Variants in HIVEP3 observed in about 807,000 individuals in gnomAD.
HIVEP3 encodes HIVEP zinc finger 3, also known as transcription factor HIVEP3.
In HIVEP3, 49 loss-of-function variants were observed where a neutral mutation model predicts 152.8. The ratio of observed to expected loss-of-function variants is 0.32; its 90% CI spans 0.26 to 0.41. The LOEUF is 0.41. Among genes scored for constraint, HIVEP3 ranks in the 10% least tolerant of loss-of-function variants. The pLI, the probability that HIVEP3 is intolerant of heterozygous loss-of-function variation, is 1.00. For missense variants in HIVEP3, 2,790 were observed against 3,103.3 expected (o/e 0.90, Z 2.40); for synonymous variants, 1,269 against 1,289.0 (o/e 0.98, Z 0.33).
intron 3 of HIVEP3, among the ~76,000 whole-genome samples, chr1:41,586,578 C>T (rs190717497): frequency 7.3e-5 from 11 of 150,774 alleles, no homozygotes; most frequent in Middle Eastern, 3.4e-3. Flanking sequence ...TGCCCTCAGG[C>T]TCCCCTCATG....
intron 1 of HIVEP3, among the ~76,000 whole-genome samples, chr1:41,789,521 G>T (rs1570543632): frequency 6.6e-6 from 1 of 152,202 alleles, no homozygotes; most frequent in South Asian, 2.1e-4. Context: ...ATGACCTACA[G>T]AAAATTTAAA....
intron 1 of HIVEP3, among the ~76,000 whole-genome samples, chr1:41,811,596 G>A (rs975064197): frequency 6.6e-6 from 1 of 151,782 alleles, no homozygotes; most frequent in African/African-American, 2.4e-5. Flanking sequence ...ACTTGGGGCC[G>A]CCCAGCTGGT....
intron 3 of HIVEP3, among the ~76,000 whole-genome samples, chr1:41,625,437 G>T (rs1645103879): frequency 6.6e-6 from 1 of 152,180 alleles, no homozygotes; most frequent in Non-Finnish European, 1.5e-5. Flanking sequence ...GAATCAGGCA[G>T]CAGCCTGGAT....
intron 6 of HIVEP3, 86 bp from the exon 7 acceptor site, chr1:41,518,574 G>A: frequency 7.9e-7 from 1 of 1,273,770 alleles, no homozygotes; most frequent in Non-Finnish European, 1.1e-6. Flanking sequence ...CACCTGGCCG[G>A]CAGGCCATGG....
At chr1:41,823,647 G>A (rs930718892) in intron 1 of HIVEP3, among the ~76,000 whole-genome samples, 1 of 152,216 alleles carries the variant, frequency 6.6e-6, no homozygotes, top group Non-Finnish European at 1.5e-5. Flanking sequence ...ATCCCAGAGT[G>A]GTGACCTCAA....
At chr1:41,628,351 T>C (rs1055265934) in intron 3 of HIVEP3, among the ~76,000 whole-genome samples, 2 of 152,166 alleles carry the variant, frequency 1.3e-5, no homozygotes, top group East Asian at 1.9e-4. Flanking sequence ...AGAACCATTA[T>C]GTAGGAGAAG....
intron 5 of HIVEP3, among the ~76,000 whole-genome samples, chr1:41,573,498 C>T (rs1012556790): frequency 6.6e-6 from 1 of 152,140 alleles, no homozygotes; most frequent in Non-Finnish European, 1.5e-5. Context: ...ATAATCAGTT[C>T]CATACGTGCT....
At chr1:41,689,358 G>A (rs756955044) in intron 2 of HIVEP3, among the ~76,000 whole-genome samples, 7 of 152,166 alleles carry the variant, frequency 4.6e-5, no homozygotes, top group Admixed American at 2.6e-4. Context: ...GGGCTCTCTC[G>A]GGAGTGAACT....
intron 5 of HIVEP3, among the ~76,000 whole-genome samples, chr1:41,574,271 C>T (rs759011094): frequency 9.9e-5 from 15 of 152,160 alleles, no homozygotes; most frequent in Non-Finnish European, 2.1e-4. Flanking sequence ...CACAGAGACA[C>T]ACGAGGGCGC....
intron 1 of HIVEP3, among the ~76,000 whole-genome samples, chr1:41,750,138 C>T (rs764963569): frequency 2.0e-5 from 3 of 152,166 alleles, no homozygotes; most frequent in African/African-American, 4.8e-5. Flanking sequence ...AAGCACGTTG[C>T]CTAAAACTCT....
At chr1:41,993,111 A>G (rs1034714578) in intron 1 of HIVEP3, among the ~76,000 whole-genome samples, 40 of 151,264 alleles carry the variant, frequency 2.6e-4, no homozygotes, top group Non-Finnish European at 4.6e-4. Context: ...TGTCTAAAAC[A>G]CCAAAAGCAA....
At chr1:41,711,880 T>C (rs1467020286) in intron 1 of HIVEP3, among the ~76,000 whole-genome samples, 3 of 152,092 alleles carry the variant, frequency 2.0e-5, no homozygotes, top group Non-Finnish European at 4.4e-5. Context: ...TAATTGCTCA[T>C]AAAAGGGAAG....
At chr1:41,528,094 ACACT>A in intron 5 of HIVEP3, among the ~76,000 whole-genome samples, 1 of 110,268 alleles carries the variant, frequency 9.1e-6, no homozygotes, top group East Asian at 3.1e-4. Flanking sequence ...TCACACCTTC[ACACT>A]CACACCCCAC....
At chr1:41,954,047 G>A (rs900581469) in intron 1 of HIVEP3, among the ~76,000 whole-genome samples, 4 of 152,164 alleles carry the variant, frequency 2.6e-5, no homozygotes, top group African/African-American at 7.2e-5. Flanking sequence ...TCAGATGGCA[G>A]ACCACCCGAG....
Position 41,876,120 on chromosome 1 carries a change from T to G in HIVEP3, c.-801+42293A>C, listed in dbSNP as rs181125439. Among the ~76,000 whole-genome samples the G allele has an allele frequency of 1.2e-3, 182 of 151,780 alleles. 2 individuals carry two copies. Among genetic ancestry groups the G allele is most frequent in the African/African-American group, 4.2e-3 (176 of 41,484 alleles). ...CTTTGTTGGGGAGAGTGTTAAGTTT[T>G]TTTTTTTTTTCTTTTATGAAAGGAT... On this transcript the variant is annotated intron_variant, in intron 1 of 8. Transcript: ENST00000372583.
At chr1:41,883,278 C>T (rs956945390) in intron 1 of HIVEP3, among the ~76,000 whole-genome samples, 3 of 152,084 alleles carry the variant, frequency 2.0e-5, no homozygotes, top group African/African-American at 7.2e-5. Flanking sequence ...GCAGTAAATA[C>T]TATCCAGGAA....
At chr1:41,694,444 T>G (rs1220782229) in intron 2 of HIVEP3, among the ~76,000 whole-genome samples, 1 of 152,194 alleles carries the variant, frequency 6.6e-6, no homozygotes, top group African/African-American at 2.4e-5. Flanking sequence ...CTGGAGATAT[T>G]TGCCGGGTGA....
In HIVEP3 at chr1:41,584,322, C is replaced by T; in HGVS notation, c.476G>A (p.Gly159Glu). Residue 159 changes from glycine to glutamate, a missense_variant, in exon 4 of 9, where the codon GGA becomes GAA. Physicochemically the swap from Gly to Glu is moderately conservative, Grantham distance 98 (BLOSUM62 -2). This residue lies in a region of HIVEP3 where 209 missense variants were observed against 237.0 expected (regional missense o/e 0.88). Transcript: ENST00000372583. The surrounding 1 kb of genome is among the most constrained non-coding windows in gnomAD (Gnocchi z 5.2). Reference protein sequence around the residue: ...ASIIPPEDLPGVPKVFVPRPS... With the variant: ...ASIIPPEDLPEVPKVFVPRPS... ...ACGAGGCACGAAGACTTTGGGGACT[C>T]CAGGAAGGTCCTCGGGGGGAATGAT... The T allele has an allele frequency of 6.2e-7, 1 of 1,613,834 alleles. No individual in the cohort carries two copies.
intron 1 of HIVEP3, among the ~76,000 whole-genome samples, chr1:41,870,758 C>A (rs1644064692): frequency 6.6e-6 from 1 of 152,166 alleles, no homozygotes; most frequent in Non-Finnish European, 1.5e-5. Flanking sequence ...ACAGAACCTG[C>A]AGGTGTTATC....
Sources: gnomAD v4.1 joint callset for allele counts (sites outside exome capture counted in the v4.1 genomes callset) on GRCh38, gnomAD v4.1.1 for gene constraint, gnomAD v4.1.1 regional missense constraint, Gnocchi (gnomAD v3.1) non-coding constraint, MANE v1.5 for transcripts, NCBI Gene and HGNC (gene_info 2026-07-23, HGNC 2026-07-21) for gene names.